GON4L: variants seen among roughly 807,000 people sequenced by gnomAD.
GON4L encodes the protein GON-4-like protein.
GON4L carries 87 observed loss-of-function variants against 211.8 expected under a neutral mutation model. The ratio of observed to expected loss-of-function variants is 0.41; its 90% CI spans 0.35 to 0.49. The LOEUF is 0.49. Ranked by LOEUF, GON4L falls within the 20% of genes least tolerant of loss-of-function variation. The probability of loss-of-function intolerance (pLI) is 0.15; values close to 1 mark genes in which losing one functional copy is unlikely to be tolerated. For missense variants in GON4L, 2,155 were observed against 2,659.5 expected (o/e 0.81, Z 4.17); for synonymous variants, 875 against 962.6 (o/e 0.91, Z 1.68).
chr1:155,822,178 C>G, intron 4 of GON4L, 108 bp downstream of exon 4: 1 of 925,842 alleles, frequency 1.1e-6, no homozygotes, highest in South Asian at 1.3e-5. Flanking sequence ...GGGTAACCCA[C>G]AAAATCGGTA....
intron 2 of GON4L, among the ~76,000 whole-genome samples, chr1:155,836,669 C>T (rs534832950): frequency 1.3e-5 from 2 of 152,246 alleles, no homozygotes; most frequent in East Asian, 1.9e-4. Context: ...TGTCCCCCAT[C>T]ATCTGGGTGC....
chr1:155,819,116 C>A (rs958182837), intron 6 of GON4L, among the ~76,000 whole-genome samples: 3 of 151,778 alleles, frequency 2.0e-5, no homozygotes, highest in African/African-American at 4.8e-5. Context: ...CATGGTGCAA[C>A]CCCATCTCTA....
chr1:155,761,435 C>A (rs963031565), intron 23 of GON4L, among the ~76,000 whole-genome samples: 4 of 151,772 alleles, frequency 2.6e-5, no homozygotes, highest in Non-Finnish European at 4.4e-5. Flanking sequence ...CAAGGATCCT[C>A]CTACCCCAGC....
At chr1:155,807,893 G>A (rs1327685924) in intron 10 of GON4L, among the ~76,000 whole-genome samples, 1 of 151,794 alleles carries the variant, frequency 6.6e-6, no homozygotes, top group Non-Finnish European at 1.5e-5. Context: ...ATCAATTTGG[G>A]AAGCTCTCCC....
intron 2 of GON4L, chr1:155,831,582 G>A (rs1212995817): frequency 6.6e-6 from 1 of 151,966 alleles, no homozygotes; most frequent in Non-Finnish European, 1.5e-5. Context: ...ATCATTTAAG[G>A]CCAGGAATTG....
At chr1:155,767,271 G>A in intron 20 of GON4L, 154 bp downstream of exon 20, 1 of 1,540,636 alleles carries the variant, frequency 6.5e-7, no homozygotes, top group Non-Finnish European at 8.8e-7. Context: ...CCCAGAGAAG[G>A]GCAGAAAAGT....
At chr1:155,798,903 T>A (rs1019903716) in intron 11 of GON4L, among the ~76,000 whole-genome samples, 1 of 152,130 alleles carries the variant, frequency 6.6e-6, no homozygotes, top group African/African-American at 2.4e-5. Flanking sequence ...ACAAAGATGC[T>A]GAAAAATCAT....
chr1:155,850,478 TTTTCCCCAAAAGAGCTTTCATC>T (rs1437793276), intron 2 of GON4L, among the ~76,000 whole-genome samples: 1 of 152,206 alleles, frequency 6.6e-6, no homozygotes, highest in African/African-American at 2.4e-5. Flanking sequence ...AGGAGAGCAC[TTTTCCCCAAAAGAGCTTTCATC>T]TTTGACAATG....
intron 21 of GON4L, among the ~76,000 whole-genome samples, chr1:155,764,032 A>C (rs1467583224): frequency 2.0e-5 from 3 of 151,958 alleles, no homozygotes; most frequent in East Asian, 1.9e-4. Context: ...ACAAAAAAAA[A>C]ACACAGAAAA....
intron 18 of GON4L, among the ~76,000 whole-genome samples, 162 bp downstream of exon 18, chr1:155,772,904 C>T (rs543523927): frequency 1.3e-5 from 2 of 152,126 alleles, no homozygotes; most frequent in Admixed American, 6.5e-5. Context: ...ACTGCTAGAA[C>T]AAGCACGTCC....
chr1:155,836,369 C>T (rs1244743869), intron 2 of GON4L, among the ~76,000 whole-genome samples: 1 of 151,272 alleles, frequency 6.6e-6, no homozygotes. Context: ...CTGCTTTCAG[C>T]CTCCCGAGTA....
chr1:155,790,142 C>T (rs910369132), intron 12 of GON4L, among the ~76,000 whole-genome samples: 2 of 151,988 alleles, frequency 1.3e-5, no homozygotes, highest in Non-Finnish European at 2.9e-5. Context: ...CTCTGTTGCC[C>T]TGGCTAGAGT....
chr1:155,748,620 G>A (rs1571595874), downstream of GON4L: 1 of 1,613,334 alleles, frequency 6.2e-7, no homozygotes, highest in Admixed American at 1.7e-5. Flanking sequence ...GACAGCAGGA[G>A]CAATCATCCC....
intron 31 of GON4L, 106 bp from the exon 32 acceptor site, chr1:155,750,839 C>T (rs1660497200): frequency 9.4e-7 from 1 of 1,065,858 alleles, no homozygotes; most frequent in East Asian, 2.7e-5. Flanking sequence ...TGTCAGCTTA[C>T]TGCAACCTCC....
At chr1:155,838,695 G>A (rs1333015989) in intron 2 of GON4L, among the ~76,000 whole-genome samples, 3 of 151,614 alleles carry the variant, frequency 2.0e-5, no homozygotes, top group African/African-American at 4.8e-5. Context: ...TCTTGAATCC[G>A]GGAGGCAGAG....
intron 6 of GON4L, among the ~76,000 whole-genome samples, chr1:155,818,599 T>C (rs1421133576): frequency 6.6e-6 from 1 of 152,190 alleles, no homozygotes; most frequent in African/African-American, 2.4e-5. Flanking sequence ...AAAGGTCAAT[T>C]TGACCTTAGG....
chr1:155,809,178 T>C (rs769021419), intron 10 of GON4L, among the ~76,000 whole-genome samples: 3 of 152,114 alleles, frequency 2.0e-5, no homozygotes, highest in Non-Finnish European at 4.4e-5. Context: ...ACTCCCAAAG[T>C]GATGGAATTA....
At chr1:155,781,127 T>C (rs1227482299) in intron 14 of GON4L, among the ~76,000 whole-genome samples, 2 of 151,478 alleles carry the variant, frequency 1.3e-5, no homozygotes, top group East Asian at 3.9e-4. Context: ...GTATTTTTTA[T>C]TATTATTATT....
Position 155,758,018 on chromosome 1 carries a change from G to A in GON4L, c.5126C>T (p.Ala1709Val). The change falls in exon 25 of 32, where the codon GCT (alanine) becomes GTT (valine). Residue 1709 changes from alanine (A) to valine (V), a missense_variant. Around this residue, in one of 6 missense-constraint regions of GON4L, gnomAD observed 455 missense variants for 504.6 expected, o/e 0.90. Transcript: ENST00000368331. Reference protein sequence around the residue: ...LACGLFEEQQAFEKSRKFLRQ... With the variant: ...LACGLFEEQQVFEKSRKFLRQ... ...AAGGAACTTGCGGCTCTTCTCAAAA[G>A]CCTGCTGCTCCTCAAACTACCAGAG... The A allele has an allele frequency of 4.6e-6, 2 of 432,780 alleles. No individual in the cohort carries two copies. The highest frequency in any genetic ancestry group is 1.2e-3 in the Middle Eastern group (2 of 1,728). 26.8% of individuals were successfully genotyped at this position (432,780 alleles called of 1,614,324 possible).
Sources: gnomAD v4.1 joint callset for allele counts (sites outside exome capture counted in the v4.1 genomes callset) on GRCh38, gnomAD v4.1.1 for gene constraint, gnomAD v4.1.1 regional missense constraint, MANE v1.5 for transcripts, NCBI Gene and HGNC (gene_info 2026-07-23, HGNC 2026-07-21) for gene names.